Variants in NAF1 observed in about 807,000 individuals in gnomAD.
NAF1 encodes the protein H/ACA ribonucleoprotein complex non-core subunit NAF1.
A neutral mutation model predicts 40.6 loss-of-function variants in NAF1; 11 were observed. The observed-to-expected ratio is 0.27, with a 90% confidence interval of 0.17 to 0.45. NAF1 has a LOEUF of 0.45. Among genes scored for constraint, NAF1 ranks in the 20% least tolerant of loss-of-function variants. The pLI, the probability that NAF1 is intolerant of heterozygous loss-of-function variation, is 1.00. For missense variants in NAF1, 607 were observed against 611.1 expected (o/e 0.99, Z 0.07); for synonymous variants, 260 against 228.5 (o/e 1.14, Z -1.24).
downstream of NAF1, among the ~76,000 whole-genome samples, chr4:163,105,867 C>G (rs1217364334): frequency 2.0e-5 from 3 of 152,146 alleles, no homozygotes; most frequent in African/African-American, 7.2e-5. Context: ...TGAATGCAAG[C>G]TCTAATTCAA....
At chr4:163,110,172 C>A in exon 3 of NAF1, 1 of 619,456 alleles carries the variant, frequency 1.6e-6, no homozygotes, top group Admixed American at 2.7e-5. Flanking sequence ...GAATGCTTGA[C>A]TAGGCTGGTA....
At chr4:163,149,045 A>C (rs1324354566) in intron 2 of NAF1, among the ~76,000 whole-genome samples, 1 of 152,142 alleles carries the variant, frequency 6.6e-6, no homozygotes, top group African/African-American at 2.4e-5. Flanking sequence ...TTCTCTCTCT[A>C]GGTTAAAAAA....
At chr4:163,151,124 A>G (rs1731685038) in intron 2 of NAF1, among the ~76,000 whole-genome samples, 1 of 151,604 alleles carries the variant, frequency 6.6e-6, no homozygotes, top group Non-Finnish European at 1.5e-5. Context: ...AAACCTTTGG[A>G]TTTTCAAGGA....
At chr4:163,152,183 C>T (rs141524655) in intron 2 of NAF1, among the ~76,000 whole-genome samples, 34 of 152,104 alleles carry the variant, frequency 2.2e-4, no homozygotes, top group Non-Finnish European at 3.7e-4. Flanking sequence ...GCATTTTTAT[C>T]GGAATTTCTT....
chr4:163,153,596 GCTCT>G (rs1731833864), intron 2 of NAF1, among the ~76,000 whole-genome samples: 1 of 152,144 alleles, frequency 6.6e-6, no homozygotes, highest in East Asian at 1.9e-4. Flanking sequence ...GTATCTAGCT[GCTCT>G]GGTGGGGCCT....
At chr4:163,164,850 T>TA (rs1170407599) in intron 1 of NAF1, among the ~76,000 whole-genome samples, 1 of 152,240 alleles carries the variant, frequency 6.6e-6, no homozygotes, top group East Asian at 1.9e-4. Context: ...AATCCTCAGT[T>TA]ACGAAAGTAT....
In NAF1 at chr4:163,166,806, A is replaced by G. The variant is rs1305615656; in HGVS notation, c.-79T>C. 3 of 1,542,752 alleles carry G rather than the reference A, an allele frequency of 1.9e-6. No homozygotes were observed. In the African/African-American group the frequency reaches 4.2e-5, roughly 21 times the overall value. On this transcript the variant is annotated 5_prime_UTR_variant, in exon 1 of 8. Transcript: ENST00000274054. ...CACGGCTCTCTCCAGAAATAGAAAA[A>G]CAACTTAGGCAACCGCAGCAACACT...
chr4:163,139,585 T>C (rs1731177980), intron 5 of NAF1, among the ~76,000 whole-genome samples: 1 of 152,136 alleles, frequency 6.6e-6, no homozygotes, highest in Admixed American at 6.5e-5. Flanking sequence ...TTGAAAAATA[T>C]TCAACCAATG....
intron 2 of NAF1, among the ~76,000 whole-genome samples, chr4:163,150,967 T>C (rs548107336): frequency 2.2e-4 from 34 of 152,258 alleles, no homozygotes; most frequent in African/African-American, 7.9e-4. Flanking sequence ...TAAAATAGTA[T>C]CTTGCTTTAA....
Position 163,128,856 on chromosome 4 carries a change from T to A in NAF1, c.*41A>T. ...TTGAAAAAAAAAAATCCTTACCACA[T>A]AATATGAAAAGTCCACATTTCTCTG... On this transcript the variant is annotated 3_prime_UTR_variant, in exon 8 of 8. Coordinates refer to ENST00000274054, the MANE Select transcript of NAF1 (RefSeq NM_138386.3). 1 of 1,458,120 alleles carries A rather than the reference T, an allele frequency of 6.9e-7. No homozygotes were observed. Among genetic ancestry groups the A allele is most frequent in the Non-Finnish European group, 9.1e-7 (1 of 1,100,172 alleles). The allele number at this position is 1,458,120 out of a possible 1,614,324, so 90.3% of individuals were successfully genotyped here.
At chr4:163,157,059 G>A (rs1469674336) in intron 2 of NAF1, 1 of 152,040 alleles carries the variant, frequency 6.6e-6, no homozygotes, top group Non-Finnish European at 1.5e-5. Context: ...TGAAAAGCTT[G>A]CATGGAAATA....
At chr4:163,154,249 T>C (rs1731872950) in intron 2 of NAF1, among the ~76,000 whole-genome samples, 1 of 152,244 alleles carries the variant, frequency 6.6e-6, no homozygotes, top group South Asian at 2.1e-4. Context: ...ACGTACAGTT[T>C]CCTGTGCATT....
At chr4:163,117,858 T>G (rs979957782) in intron 2 of NAF1, among the ~76,000 whole-genome samples, 1 of 152,196 alleles carries the variant, frequency 6.6e-6, no homozygotes, top group Admixed American at 6.5e-5. Flanking sequence ...TTGATTAGCC[T>G]TAATCATTTG....
At chr4:163,149,502 A>G (rs1257724925) in intron 2 of NAF1, among the ~76,000 whole-genome samples, 1 of 152,156 alleles carries the variant, frequency 6.6e-6, no homozygotes, top group East Asian at 1.9e-4. Context: ...GGGATATGCT[A>G]TTTTCTGATA....
chr4:163,152,855 C>T (rs1731774153), intron 2 of NAF1, among the ~76,000 whole-genome samples: 2 of 152,326 alleles, frequency 1.3e-5, no homozygotes, highest in Admixed American at 6.5e-5. Flanking sequence ...GGGAGAGGCG[C>T]GAGCGGGAAC....
chr4:163,124,332 G>A (rs1324776265), downstream of NAF1, among the ~76,000 whole-genome samples: 1 of 152,150 alleles, frequency 6.6e-6, no homozygotes, highest in Non-Finnish European at 1.5e-5. Context: ...GGAATACTGA[G>A]TCTTCTTCAC....
intron 1 of NAF1, among the ~76,000 whole-genome samples, chr4:163,165,623 ACCT>A (rs1281087115): frequency 6.6e-6 from 1 of 151,332 alleles, no homozygotes; most frequent in Non-Finnish European, 1.5e-5. Flanking sequence ...TAAACTTCTC[ACCT>A]CCTCAACACG....
chr4:163,164,803 T>A (rs1732384203), intron 1 of NAF1, among the ~76,000 whole-genome samples: 1 of 152,226 alleles, frequency 6.6e-6, no homozygotes, highest in Non-Finnish European at 1.5e-5. Context: ...GCCAGATTGC[T>A]TAATGAGTTT....
chr4:163,115,169 G>C (rs1579117186), intron 2 of NAF1, among the ~76,000 whole-genome samples: 1 of 144,004 alleles, frequency 6.9e-6, no homozygotes, highest in Admixed American at 6.9e-5. Flanking sequence ...TCTCAATAAA[G>C]TTTGATACTA....
Sources: allele counts gnomAD v4.1 joint callset (sites outside exome capture counted in the v4.1 genomes callset), GRCh38; gene constraint gnomAD v4.1.1; transcripts MANE v1.5; gene names NCBI Gene and HGNC (gene_info 2026-07-23, HGNC 2026-07-21).